Variants in SEC61G observed in about 807,000 individuals in gnomAD.
SEC61G encodes the protein SEC61 translocon subunit gamma.
SEC61G carries 4 observed loss-of-function variants against 7.5 expected under a neutral mutation model. The ratio of observed to expected loss-of-function variants is 0.54; its 90% CI spans 0.26 to 1.22. The LOEUF (loss-of-function observed/expected upper bound fraction) is 1.22, where lower values mean the gene tolerates loss of function less well. Among genes scored for constraint, SEC61G ranks in the 50% most tolerant of loss-of-function variants. SEC61G has a pLI of 0.12. For synonymous variants in SEC61G, 24 were observed against 24.4 expected, an observed-to-expected ratio of 0.98 and a Z score of 0.05; for missense variants, 53 against 84.6, an observed-to-expected ratio of 0.63 and a Z score of 1.46.
chr7:54,756,950 T>C (rs1381214698), intron 2 of SEC61G, among the ~76,000 whole-genome samples: 2 of 145,836 alleles, frequency 1.4e-5, no homozygotes, highest in African/African-American at 2.5e-5. Flanking sequence ...TACTATACTA[T>C]ATATATACTA....
chr7:54,757,630 T>C (rs1373954128), intron 1 of SEC61G, 36 bp from the exon 2 acceptor site: 1 of 1,539,052 alleles, frequency 6.5e-7, no homozygotes, highest in Non-Finnish European at 9.0e-7. Flanking sequence ...CTGGTATTGG[T>C]TCTCATACAA....
At chr7:54,758,039 G>A (rs1791555565) in intron 1 of SEC61G, among the ~76,000 whole-genome samples, 1 of 152,162 alleles carries the variant, frequency 6.6e-6, no homozygotes, top group African/African-American at 2.4e-5. Flanking sequence ...CTACGCAGAA[G>A]CCAGTGTCTT....
chr7:54,753,921 T>C, intron 3 of SEC61G, among the ~76,000 whole-genome samples: 1 of 136,668 alleles, frequency 7.3e-6, no homozygotes, highest in South Asian at 2.5e-4. Flanking sequence ...ATTGCCACCA[T>C]CACCATTAAA....
chr7:54,758,156 G>A (rs1791557471), intron 1 of SEC61G, among the ~76,000 whole-genome samples: 1 of 152,116 alleles, frequency 6.6e-6, no homozygotes, highest in Admixed American at 6.5e-5. Flanking sequence ...CTTTTCTAAA[G>A]TATAAAGAAT....
intron 2 of SEC61G, 119 bp downstream of exon 2, chr7:54,757,369 CGCGCAGG>C: frequency 2.9e-6 from 2 of 699,186 alleles, no homozygotes; most frequent in Non-Finnish European, 4.7e-6. Flanking sequence ...AAAAAGCTGT[CGCGCAGG>C]ATCAATCAAT....
intron 1 of SEC61G, among the ~76,000 whole-genome samples, chr7:54,758,040 C>G (rs908794292): frequency 6.6e-6 from 1 of 152,204 alleles, no homozygotes; most frequent in Non-Finnish European, 1.5e-5. Flanking sequence ...TACGCAGAAG[C>G]CAGTGTCTTG....
At chr7:54,755,537 A>C (rs1791496745) in intron 3 of SEC61G, 2 of 292,712 alleles carry the variant, frequency 6.8e-6, no homozygotes, top group African/African-American at 4.3e-5. Flanking sequence ...AGTGTCTTTA[A>C]TACTTTCTTG....
At chr7:54,758,688 A>G (rs1214096070) in intron 1 of SEC61G, among the ~76,000 whole-genome samples, 1 of 152,186 alleles carries the variant, frequency 6.6e-6, no homozygotes, top group Non-Finnish European at 1.5e-5. Flanking sequence ...ACCGCACTCA[A>G]TGTCAGGGGT....
Position 54,755,872 on chromosome 7 carries a change from T to C in SEC61G, c.104A>G (p.Lys35Arg), listed in dbSNP as rs1431846580. 2 of 1,571,982 alleles carry C rather than the reference T, an allele frequency of 1.3e-6. No homozygotes were observed. The highest frequency in any genetic ancestry group is 2.7e-5 in the African/African-American group (2 of 73,652). The change falls in exon 3 of 4, where the codon AAG (lysine) becomes AGG (arginine). Residue 35 changes from lysine (K) to arginine (R), a missense_variant. Transcript: ENST00000352861. ...TCCTATTGCTGTTGCCATGGCAATC[T>C]TCTGGAATTCTGCATTTAAAAACAG... ...CTKPDRKEFQKIAMATAIGFA... is the reference protein window; with the variant it reads ...CTKPDRKEFQRIAMATAIGFA...
intron 3 of SEC61G, 59 bp downstream of exon 3, chr7:54,755,720 T>A (rs1254494067): frequency 2.2e-6 from 2 of 923,866 alleles, no homozygotes; most frequent in Non-Finnish European, 3.3e-6. Flanking sequence ...TAACAGCCTG[T>A]CATCTCAAAT....
chr7:54,752,459 T>A lies in SEC61G; in HGVS notation c.198-39A>T, dbSNP rs1257094579. 5 of 1,300,872 alleles carry A rather than the reference T, an allele frequency of 3.8e-6. No individual in the cohort carries two copies. The African/African-American group carries it at 7.5e-5, about 19-fold the overall frequency. 80.6% of individuals were successfully genotyped at this position (1,300,872 alleles called of 1,614,324 possible). On this transcript the variant is annotated intron_variant, in intron 3 of 3. Coordinates refer to ENST00000352861, the MANE Select transcript of SEC61G (RefSeq NM_014302.4). Reference sequence around the variant, plus strand: ...AAAAATTATTACTTCTGAGCATAGATAAGATTTTAATAATTATTATTATTT... The same window carrying A: ...AAAAATTATTACTTCTGAGCATAGAAAAGATTTTAATAATTATTATTATTT...
At position 54,752,328 on chromosome 7, in the gene SEC61G, G is replaced by T; in HGVS notation, c.*83C>A. 1 of 901,300 alleles carries T rather than the reference G, an allele frequency of 1.1e-6. No homozygotes were observed. Among genetic ancestry groups the T allele is most frequent in the Non-Finnish European group, 1.7e-6 (1 of 602,818 alleles). The allele number at this position is 901,300 out of a possible 1,614,324, so 55.8% of individuals were successfully genotyped here. A position where few individuals can be genotyped will look rare whatever the true frequency, so the allele number is the denominator to read the frequency against. On this transcript the variant is annotated 3_prime_UTR_variant, in exon 4 of 4. Transcript: ENST00000352861. ...AAAAAAAAACCCACAAAACATACAG[G>T]CAAATTTGTATTCTGTGAGTTTCTC...
rs372088291 is a variant in SEC61G at position 54,759,149 on chromosome 7, G to C, written c.-7+9C>G. On this transcript the variant is annotated intron_variant, in intron 1 of 3. Transcript: ENST00000352861. ...GTTCGCCCGTACCGACCGGTGGGAA[G>C]AAACTCACCTACCCAACCGACACCT... The C allele has an allele frequency of 2.1e-4, 108 of 518,646 alleles. 1 individual carries two copies. The highest frequency in any genetic ancestry group is 6.2e-5 in the Non-Finnish European group (16 of 259,692). 32.1% of individuals were successfully genotyped at this position (518,646 alleles called of 1,614,324 possible). A position where few individuals can be genotyped will look rare whatever the true frequency, so the allele number is the denominator to read the frequency against.
At position 54,752,384 on chromosome 7, in the gene SEC61G, G is replaced by C; in HGVS notation, c.*27C>G. ...CTCACACTTGTTCACCAATCTCTAAGATGAAAAACTCTCTTCCAAAATGTA... is the reference window on the plus strand; with the variant it reads ...CTCACACTTGTTCACCAATCTCTAACATGAAAAACTCTCTTCCAAAATGTA... On this transcript the variant is annotated 3_prime_UTR_variant, in exon 4 of 4. Transcript: ENST00000352861. 6.6e-7 allele frequency: 1 copy of C among 1,519,440 alleles called. No individual in the cohort carries two copies. Among genetic ancestry groups the C allele is most frequent in the African/African-American group, 1.4e-5 (1 of 71,674 alleles). The allele number at this position is 1,519,440 out of a possible 1,614,324, so 94.1% of individuals were successfully genotyped here.
At chr7:54,753,839 C>A (rs1791458191) in intron 3 of SEC61G, among the ~76,000 whole-genome samples, 2 of 152,178 alleles carry the variant, frequency 1.3e-5, no homozygotes, top group African/African-American at 4.8e-5. Flanking sequence ...CTCCCCATGC[C>A]TGTTTCCTCA....
chr7:54,757,379 C>A (rs1791540709), intron 2 of SEC61G, 116 bp downstream of exon 2: 2 of 800,284 alleles, frequency 2.5e-6, no homozygotes, highest in South Asian at 1.7e-5. Context: ...CGCGCAGGAT[C>A]AATCAATAAA....
chr7:54,755,474 AAGGTAAC>A (rs1174428024), intron 3 of SEC61G: 2 of 189,680 alleles, frequency 1.1e-5, no homozygotes, highest in African/African-American at 2.3e-5. Context: ...AGAAATTAAC[AAGGTAAC>A]AGCACAAAGA....
chr7:54,757,653 C>T, intron 1 of SEC61G, 59 bp from the exon 2 acceptor site: 2 of 1,362,752 alleles, frequency 1.5e-6, no homozygotes, highest in Non-Finnish European at 2.1e-6. Flanking sequence ...AGCACTTGCT[C>T]ATTTATATAA....
intron 3 of SEC61G, among the ~76,000 whole-genome samples, chr7:54,753,200 G>A (rs1336913838): frequency 2.6e-5 from 4 of 152,090 alleles, no homozygotes; most frequent in African/African-American, 7.2e-5. Context: ...GGCTGAGGCA[G>A]GAGAATCACT....
Sources: allele counts gnomAD v4.1 joint callset (sites outside exome capture counted in the v4.1 genomes callset), GRCh38; gene constraint gnomAD v4.1.1; transcripts MANE v1.5; gene names NCBI Gene and HGNC (gene_info 2026-07-23, HGNC 2026-07-21).